Variants in DIP2C observed in about 807,000 individuals in gnomAD.
DIP2C encodes the protein DIP2 acetate--CoA ligase C (putative), also known as disco-interacting protein 2 homolog C.
In DIP2C, 33 loss-of-function variants were observed where a neutral mutation model predicts 192.4. That is an observed-to-expected ratio of 0.17 (90% CI 0.13 to 0.23). The LOEUF (loss-of-function observed/expected upper bound fraction) is 0.23. Ranked by LOEUF, DIP2C falls within the 10% of genes least tolerant of loss-of-function variation. The pLI is 1.00. For missense variants in DIP2C, 1,537 were observed against 2,110.1 expected (o/e 0.73, Z 5.32); for synonymous variants, 979 against 864.1 (o/e 1.13, Z -2.33).
chr10:569,604 T>TA (rs542846799), intron 1 of DIP2C, among the ~76,000 whole-genome samples: 26 of 151,144 alleles, frequency 1.7e-4, no homozygotes, highest in African/African-American at 2.4e-4. Context: ...TATTCTTTTT[T>TA]AAAAAAAAGC....
chr10:480,760 C>T (rs564351134), intron 2 of DIP2C, among the ~76,000 whole-genome samples: 2 of 152,358 alleles, frequency 1.3e-5, no homozygotes, highest in East Asian at 1.9e-4. Context: ...ATCAAACTGA[C>T]AGCTCCCTGT....
chr10:325,115 A>G (rs1449171714), intron 31 of DIP2C: 3 of 357,256 alleles, frequency 8.4e-6, no homozygotes, highest in East Asian at 1.5e-4. Flanking sequence ...AATACAAAAA[A>G]TTAGCTGCGC....
chr10:576,464 G>A (rs533657910), intron 1 of DIP2C, among the ~76,000 whole-genome samples: 15 of 152,320 alleles, frequency 9.8e-5, no homozygotes, highest in African/African-American at 2.6e-4. Flanking sequence ...TTGCCCATCC[G>A]GCATTCCTTC....
At chr10:335,524 C>T (rs11251791) in intron 29 of DIP2C, among the ~76,000 whole-genome samples, 51,794 of 152,144 alleles carry the variant, frequency 0.34, 9,079 homozygotes, top group East Asian at 0.45. Context: ...CTGCCCAGAG[C>T]GAGTTTCTGG....
At chr10:572,199 G>A (rs1411926767) in intron 1 of DIP2C, among the ~76,000 whole-genome samples, 4 of 152,304 alleles carry the variant, frequency 2.6e-5, no homozygotes, top group Admixed American at 2.6e-4. Flanking sequence ...AGTGTTCTAA[G>A]GATCACACGT....
chr10:566,962 G>C (rs190038443), intron 1 of DIP2C, among the ~76,000 whole-genome samples: 9 of 152,322 alleles, frequency 5.9e-5, no homozygotes, highest in African/African-American at 1.9e-4. Context: ...CTGATGTTCC[G>C]GTGGCTCAAA....
intron 1 of DIP2C, among the ~76,000 whole-genome samples, chr10:688,306 A>G (rs1362975490): frequency 6.6e-6 from 1 of 152,092 alleles, no homozygotes; most frequent in Non-Finnish European, 1.5e-5. Flanking sequence ...CACATCTGAA[A>G]CTGAAAAACA....
At chr10:387,535 G>C (rs1312736095) in intron 14 of DIP2C, among the ~76,000 whole-genome samples, 4 of 148,398 alleles carry the variant, frequency 2.7e-5, no homozygotes, top group Non-Finnish European at 6.0e-5. Context: ...GTGAGGGGAG[G>C]GGACTCCTGT....
chr10:369,941 C>T (rs1008187297), intron 17 of DIP2C: 3 of 984,918 alleles, frequency 3.0e-6, no homozygotes, highest in Non-Finnish European at 3.6e-6. Context: ...CTCTCCCCTC[C>T]CTCCAGGCCC....
At chr10:297,241 T>TACATACACACAC (rs1955802996) in intron 32 of DIP2C, among the ~76,000 whole-genome samples, 1 of 115,550 alleles carries the variant, frequency 8.7e-6, no homozygotes, top group African/African-American at 3.4e-5. Flanking sequence ...CCCCACCACA[T>TACATACACACAC]ACACACACAC....
rs1176639427 is a variant in DIP2C at position 276,182 on chromosome 10, A to G, written c.*1143T>C. ...TGCCAACCTAAAGCCCCTCAGTATC[A>G]TCAGCACACGCTGGCATAAACACAT... On this transcript the variant is annotated 3_prime_UTR_variant, in exon 37 of 37. Transcript: ENST00000280886. 2.0e-5 allele frequency: 3 copies of G among 152,706 alleles called. No individual in the cohort carries two copies. Among genetic ancestry groups the G allele is most frequent in the Admixed American group, 1.3e-4 (2 of 15,288 alleles). The allele number at this position is 152,706 out of a possible 1,614,324, so 9.5% of individuals were successfully genotyped here. A position where few individuals can be genotyped will look rare whatever the true frequency, so the allele number is the denominator to read the frequency against.
At chr10:653,035 G>A (rs551575869) in intron 1 of DIP2C, among the ~76,000 whole-genome samples, 2 of 152,040 alleles carry the variant, frequency 1.3e-5, no homozygotes, top group South Asian at 2.1e-4. Context: ...CACTTCAGAC[G>A]CGGCCTCGAG....
intron 4 of DIP2C, among the ~76,000 whole-genome samples, chr10:430,934 A>G (rs770171435): frequency 1.3e-5 from 2 of 152,192 alleles, no homozygotes; most frequent in Non-Finnish European, 2.9e-5. Flanking sequence ...TTCTTTGCAT[A>G]TGGATGTCCA....
intron 1 of DIP2C, among the ~76,000 whole-genome samples, chr10:497,135 A>C (rs1326001527): frequency 3.3e-5 from 5 of 151,272 alleles, no homozygotes; most frequent in South Asian, 4.2e-4. Flanking sequence ...GAAATCAATC[A>C]ATCAATCAAT....
chr10:395,712 C>G (rs922667334), intron 10 of DIP2C, among the ~76,000 whole-genome samples: 6 of 152,218 alleles, frequency 3.9e-5, no homozygotes, highest in Admixed American at 3.9e-4. Context: ...GCCCTTTCTT[C>G]TGAGAGGGGT....
intron 29 of DIP2C, among the ~76,000 whole-genome samples, chr10:340,024 T>G (rs1958066122): frequency 6.6e-6 from 1 of 151,852 alleles, no homozygotes; most frequent in South Asian, 2.1e-4. Flanking sequence ...CTACTAAAAA[T>G]ACAAAAATTA....
rs750101870 is a variant in DIP2C at position 619,532 on chromosome 10, C to CAGGGCCAGGGCCAA, written c.85+69961_85+69962insTTGGCCCTGGCCCT. The stretch of plus-strand genomic sequence containing the variant: ...TTTATGCCAGGGCCAGGACCAAGCC[C>CAGGGCCAGGGCCAA]GCCCGCCCGCCCTCCCACCCAGCTC... On this transcript the variant is annotated intron_variant, in intron 1 of 36. Coordinates refer to ENST00000280886, the MANE Select transcript of DIP2C (RefSeq NM_014974.3). 4.9e-3 allele frequency among the ~76,000 whole-genome samples: 201 copies of CAGGGCCAGGGCCAA among 40,752 alleles called. 3 individuals carry two copies. In the East Asian group the frequency reaches 0.061, roughly 12 times the overall value. The allele number at this position is 40,752 out of a possible 152,430, so 26.7% of individuals were successfully genotyped here.
chr10:321,013 T>C (rs139323932), intron 31 of DIP2C, among the ~76,000 whole-genome samples: 1 of 151,230 alleles, frequency 6.6e-6, no homozygotes, highest in African/African-American at 2.4e-5. Flanking sequence ...GTCCGGGTTA[T>C]GAAGCAGGAA....
intron 1 of DIP2C, among the ~76,000 whole-genome samples, chr10:627,577 A>G (rs928850303): frequency 6.6e-6 from 1 of 152,208 alleles, no homozygotes; most frequent in Non-Finnish European, 1.5e-5. Context: ...TAATTAGTAC[A>G]CTTTCACCAG....
Sources: gnomAD v4.1 joint callset for allele counts (sites outside exome capture counted in the v4.1 genomes callset) on GRCh38, gnomAD v4.1.1 for gene constraint, MANE v1.5 for transcripts, NCBI Gene and HGNC (gene_info 2026-07-23, HGNC 2026-07-21) for gene names.